Variants in DLG2 observed in about 807,000 individuals in gnomAD.
DLG2 encodes the protein discs large MAGUK scaffold protein 2.
In DLG2, 45 loss-of-function variants were observed where a neutral mutation model predicts 132.5. The observed-to-expected ratio is 0.34, with a 90% CI of 0.27 to 0.44. The LOEUF (loss-of-function observed/expected upper bound fraction) is 0.44, where lower values mean the gene tolerates loss of function less well. Among genes scored for constraint, DLG2 ranks in the 20% least tolerant of loss-of-function variants. DLG2 has a pLI of 1.00. For missense variants in DLG2, 1,045 were observed against 1,196.9 expected (o/e 0.87, Z 1.87); for synonymous variants, 424 against 419.6 (o/e 1.01, Z -0.13).
intron 3 of DLG2, among the ~76,000 whole-genome samples, chr11:85,506,710 A>C (rs967860168): frequency 6.6e-6 from 1 of 152,072 alleles, no homozygotes; most frequent in African/African-American, 2.4e-5. Flanking sequence ...TGGGGTGGAG[A>C]GTTCTGTAGA....
At chr11:85,220,637 A>AAATATATATATATAT (rs371263007) in intron 4 of DLG2, among the ~76,000 whole-genome samples, 14 of 148,258 alleles carry the variant, frequency 9.4e-5, no homozygotes, top group African/African-American at 3.5e-4. Context: ...TAGAAAAAAA[A>AAATATATATATATAT]ATATATATAT....
chr11:84,514,730 G>A (rs1456236130), intron 7 of DLG2, among the ~76,000 whole-genome samples: 1 of 151,876 alleles, frequency 6.6e-6, no homozygotes, highest in East Asian at 1.9e-4. Flanking sequence ...TATAGTTAGA[G>A]TGAATAAGAA....
intron 3 of DLG2, among the ~76,000 whole-genome samples, chr11:85,502,703 G>T (rs539814682): frequency 1.3e-5 from 2 of 152,006 alleles, no homozygotes; most frequent in East Asian, 3.9e-4. Context: ...TAATGCACGT[G>T]GGGCTTAAAA....
At chr11:85,277,443 G>A (rs540060739) in intron 4 of DLG2, among the ~76,000 whole-genome samples, 2 of 152,106 alleles carry the variant, frequency 1.3e-5, no homozygotes, top group African/African-American at 2.4e-5. Context: ...TGGTAAGTAT[G>A]AATGTAATCT....
chr11:83,490,524 A>G (rs2093780841), intron 21 of DLG2, among the ~76,000 whole-genome samples: 1 of 151,968 alleles, frequency 6.6e-6, no homozygotes, highest in South Asian at 2.1e-4. Context: ...GGATGCCTAA[A>G]GCATTGGTTG....
intron 21 of DLG2, among the ~76,000 whole-genome samples, chr11:83,530,876 G>C (rs566090057): frequency 6.6e-6 from 1 of 151,926 alleles, no homozygotes; most frequent in African/African-American, 2.4e-5. Flanking sequence ...AAGGTTGCAG[G>C]ATATAAGATT....
At chr11:84,604,365 G>A (rs1400533288) in intron 6 of DLG2, among the ~76,000 whole-genome samples, 1 of 151,816 alleles carries the variant, frequency 6.6e-6, no homozygotes, top group African/African-American at 2.4e-5. Flanking sequence ...TGGGGCAGTG[G>A]GGAGTAGGGT....
intron 6 of DLG2, among the ~76,000 whole-genome samples, chr11:84,957,079 T>C (rs1488443485): frequency 2.0e-5 from 3 of 152,182 alleles, no homozygotes; most frequent in African/African-American, 7.2e-5. Context: ...TTAACTAATT[T>C]TACCCTTACA....
chr11:83,694,390 C>G (rs9888248), intron 18 of DLG2, among the ~76,000 whole-genome samples: 112,524 of 152,026 alleles, frequency 0.74, 42,834 homozygotes, highest in African/African-American at 0.93. Context: ...CCATTGTCCC[C>G]GGCCCTGGAG....
At position 83,511,073 on chromosome 11, in the gene DLG2, A is replaced by AACACACACACACACAC. The variant is rs142149345; in HGVS notation, c.2193+21634_2193+21635insGTGTGTGTGTGTGTGT. Among the ~76,000 whole-genome samples the AACACACACACACACAC allele has an allele frequency of 6.3e-3, 555 of 88,436 alleles. 11 individuals are homozygous for AACACACACACACACAC. Among genetic ancestry groups the AACACACACACACACAC allele is most frequent in the African/African-American group, 0.021 (530 of 25,128 alleles). The allele number at this position is 88,436 out of a possible 152,430, so 58.0% of individuals were successfully genotyped here. On this transcript the variant is annotated intron_variant, in intron 21 of 27. Transcript: ENST00000376104. ...TCTCTGTCTTCCTCTCACTTGCTCA[A>AACACACACACACACAC]ACACACACACACAGACACACACACA...
intron 6 of DLG2, among the ~76,000 whole-genome samples, chr11:84,626,453 C>A (rs1350299400): frequency 1.3e-5 from 2 of 152,128 alleles, no homozygotes; most frequent in South Asian, 4.1e-4. Flanking sequence ...CAAATGTGCA[C>A]ATTGGGAAGC....
At chr11:84,026,948 C>T (rs1410071040) in intron 11 of DLG2, among the ~76,000 whole-genome samples, 1 of 152,012 alleles carries the variant, frequency 6.6e-6, no homozygotes, top group Non-Finnish European at 1.5e-5. Context: ...ATTATTATTT[C>T]TATTATATTC....
chr11:84,583,163 T>C (rs998587753), intron 6 of DLG2, among the ~76,000 whole-genome samples: 3 of 152,228 alleles, frequency 2.0e-5, no homozygotes, highest in Non-Finnish European at 1.5e-5. Context: ...GTCCCAGATC[T>C]TTCAATTCCA....
At chr11:83,935,622 T>C (rs2081274518) in intron 14 of DLG2, among the ~76,000 whole-genome samples, 1 of 152,164 alleles carries the variant, frequency 6.6e-6, no homozygotes, top group African/African-American at 2.4e-5. Flanking sequence ...CACCACTGAA[T>C]TGGGCACTCA....
Position 85,303,098 on chromosome 11 carries a change from T to C in DLG2, c.41-17733A>G, listed in dbSNP as rs150792106. ...ATCCTAAGTTAGAGCTTATTTTATG[T>C]TTAGAAGGACATTTTAGGCTTCATA... On this transcript the variant is annotated intron_variant, in intron 3 of 27. Transcript: ENST00000376104. 2.6e-5 allele frequency among the ~76,000 whole-genome samples: 4 copies of C among 152,296 alleles called. No individual in the cohort carries two copies. The East Asian group carries it at 7.8e-4, about 30-fold the overall frequency.
chr11:85,465,445 T>G (rs2092756694), intron 3 of DLG2, among the ~76,000 whole-genome samples: 3 of 152,086 alleles, frequency 2.0e-5, no homozygotes, highest in Admixed American at 6.6e-5. Context: ...CCTAATGCTA[T>G]CCCTCCCCGC....
At chr11:85,391,817 C>T (rs2152948100) in intron 3 of DLG2, among the ~76,000 whole-genome samples, 1 of 152,162 alleles carries the variant, frequency 6.6e-6, no homozygotes, top group Admixed American at 6.5e-5. Flanking sequence ...TATGACAAAC[C>T]CACAGTGAAT....
At chr11:83,819,801 T>C (rs1028314736) in intron 17 of DLG2, among the ~76,000 whole-genome samples, 14 of 152,126 alleles carry the variant, frequency 9.2e-5, no homozygotes. Flanking sequence ...TTTCTCCCCT[T>C]CAAGCAGGAG....
chr11:83,918,241 A>T (rs890566854), intron 15 of DLG2, among the ~76,000 whole-genome samples: 1 of 152,160 alleles, frequency 6.6e-6, no homozygotes, highest in East Asian at 1.9e-4. Context: ...CCAACAGTAT[A>T]CGTATAGGTG....
Sources: gnomAD v4.1 joint callset for allele counts (sites outside exome capture counted in the v4.1 genomes callset) on GRCh38, gnomAD v4.1.1 for gene constraint, MANE v1.5 for transcripts, NCBI Gene and HGNC (gene_info 2026-07-23, HGNC 2026-07-21) for gene names.